INPP4A: variants seen among roughly 807,000 people sequenced by gnomAD.
The protein encoded by INPP4A is inositol polyphosphate-4-phosphatase type I A.
In INPP4A, 33 loss-of-function variants were observed where a neutral mutation model predicts 119.8. That is an observed-to-expected ratio of 0.28 (90% CI 0.21 to 0.37). The LOEUF is 0.37. Ranked by LOEUF, INPP4A falls within the 10% of genes least tolerant of loss-of-function variation. The probability of loss-of-function intolerance (pLI) is 1.00; values close to 1 mark genes in which losing one functional copy is unlikely to be tolerated. For missense variants in INPP4A, 956 were observed against 1,289.9 expected (o/e 0.74, Z 3.97); for synonymous variants, 496 against 500.7 (o/e 0.99, Z 0.12).
At chr2:98,505,771 T>G (rs1029947537) in intron 1 of INPP4A, among the ~76,000 whole-genome samples, 1 of 152,216 alleles carries the variant, frequency 6.6e-6, no homozygotes, top group African/African-American at 2.4e-5. Context: ...CCTTCCACTT[T>G]CCTGTTGAAA....
chr2:98,527,078 G>A (rs900907196), intron 4 of INPP4A, among the ~76,000 whole-genome samples: 1 of 152,134 alleles, frequency 6.6e-6, no homozygotes, highest in African/African-American at 2.4e-5. Context: ...TATCAAATGG[G>A]TTCTTAGAGA....
intron 1 of INPP4A, among the ~76,000 whole-genome samples, chr2:98,509,876 C>T (rs1684802894): frequency 6.6e-6 from 1 of 152,222 alleles, no homozygotes; most frequent in Non-Finnish European, 1.5e-5. Flanking sequence ...CAGTTGTAAA[C>T]TGGGCTGTCC....
chr2:98,557,993 T>C (rs1277389824), intron 16 of INPP4A, among the ~76,000 whole-genome samples: 1 of 152,230 alleles, frequency 6.6e-6, no homozygotes, highest in South Asian at 2.1e-4. Context: ...CTGGGGTCTA[T>C]GGGTACACCC....
intron 11 of INPP4A, among the ~76,000 whole-genome samples, chr2:98,545,309 A>C (rs1245770127): frequency 6.6e-6 from 1 of 152,202 alleles, no homozygotes; most frequent in Non-Finnish European, 1.5e-5. Flanking sequence ...TTCTCCATTT[A>C]ATTAGTTATG....
chr2:98,551,085 A>G (rs1458892323), intron 13 of INPP4A, among the ~76,000 whole-genome samples: 1 of 152,040 alleles, frequency 6.6e-6, no homozygotes, highest in Non-Finnish European at 1.5e-5. Context: ...CCTCCTAAGT[A>G]GCCAGAACCA....
intron 4 of INPP4A, among the ~76,000 whole-genome samples, chr2:98,524,132 C>T (rs1322207833): frequency 6.6e-6 from 1 of 152,214 alleles, no homozygotes; most frequent in African/African-American, 2.4e-5. Flanking sequence ...CCATTATAAA[C>T]ACTATCACAG....
chr2:98,558,911 T>G (rs1236498306), intron 16 of INPP4A, among the ~76,000 whole-genome samples: 1 of 152,220 alleles, frequency 6.6e-6, no homozygotes, highest in Non-Finnish European at 1.5e-5. Context: ...GTTTTAAATT[T>G]GGGAGATTGG....
chr2:98,507,027 A>G (rs1324546370), intron 1 of INPP4A, among the ~76,000 whole-genome samples: 1 of 152,220 alleles, frequency 6.6e-6, no homozygotes, highest in Admixed American at 6.5e-5. Flanking sequence ...AGGTGTAGCC[A>G]CATCCCCCTC....
intron 1 of INPP4A, among the ~76,000 whole-genome samples, chr2:98,495,668 G>A (rs1273119023): frequency 1.3e-5 from 2 of 152,198 alleles, no homozygotes; most frequent in Non-Finnish European, 2.9e-5. Context: ...TCTGATTGAC[G>A]GTTGAAAGTG....
intron 24 of INPP4A, among the ~76,000 whole-genome samples, chr2:98,579,491 C>A (rs1460702207): frequency 1.3e-5 from 2 of 152,248 alleles, no homozygotes; most frequent in Non-Finnish European, 2.9e-5. Context: ...AAAAAGTATA[C>A]ACCTTTGTAA....
chr2:98,492,310 G>A (rs1389977225), intron 1 of INPP4A, among the ~76,000 whole-genome samples: 1 of 152,144 alleles, frequency 6.6e-6, no homozygotes, highest in African/African-American at 2.4e-5. Context: ...TTGAACTCTT[G>A]TAAGTTGGGG....
At position 98,545,367 on chromosome 2, in the gene INPP4A, G is replaced by A. The variant is rs146802622; in HGVS notation, c.950-602G>A. Among the ~76,000 whole-genome samples, 118 of 152,252 alleles carry A rather than the reference G, an allele frequency of 7.8e-4. 1 individual carries two copies. The highest frequency in any genetic ancestry group is 2.5e-3 in the African/African-American group (103 of 41,552). ...TTGTGCATATTTGTTATAAAATAGC[G>A]TCCAGGCTCCTTAACCAACCAGGCG... is the stretch of plus-strand genomic sequence containing the variant. On this transcript the variant is annotated intron_variant, in intron 11 of 24. Coordinates refer to ENST00000409851, the MANE Select transcript of INPP4A (RefSeq NM_001134225.2).
At chr2:98,510,802 G>C (rs1341919684) in intron 1 of INPP4A, among the ~76,000 whole-genome samples, 4 of 152,300 alleles carry the variant, frequency 2.6e-5, no homozygotes, top group South Asian at 2.1e-4. Flanking sequence ...TTGTATTCTG[G>C]TTCAGGCCCT....
intron 1 of INPP4A, among the ~76,000 whole-genome samples, chr2:98,517,358 C>T (rs946688865): frequency 6.6e-6 from 1 of 152,200 alleles, no homozygotes; most frequent in African/African-American, 2.4e-5. Flanking sequence ...GTGTGCGTTT[C>T]TGTTAGCAGC....
At chr2:98,552,370 C>T (rs1404353362) in intron 13 of INPP4A, among the ~76,000 whole-genome samples, 1 of 152,138 alleles carries the variant, frequency 6.6e-6, no homozygotes, top group African/African-American at 2.4e-5. Flanking sequence ...GCAGTCTCTG[C>T]TACACTGTGA....
rs1678727431 is a variant in INPP4A, at chr2:98,482,722, A to G, written c.-165-36242A>G. Among the ~76,000 whole-genome samples the G allele has an allele frequency of 3.3e-5, 5 of 152,386 alleles. No individual in the cohort carries two copies. The South Asian group carries it at 1.0e-3, about 32-fold the overall frequency. ...CAACCCTGGGATGTGATGCAAAAAG[A>G]TATATGTGTCCTCTTGCATTTAAGA... On this transcript the variant is annotated intron_variant, in intron 1 of 24. Transcript: ENST00000409851.
At chr2:98,457,009 A>G (rs1463891998) in intron 1 of INPP4A, among the ~76,000 whole-genome samples, 1 of 152,214 alleles carries the variant, frequency 6.6e-6, no homozygotes, top group Non-Finnish European at 1.5e-5. Flanking sequence ...TTTTATTTCC[A>G]GCAGTGTCAC....
intron 24 of INPP4A, among the ~76,000 whole-genome samples, chr2:98,577,845 A>G (rs1189440878): frequency 6.6e-6 from 1 of 152,180 alleles, no homozygotes; most frequent in African/African-American, 2.4e-5. Context: ...AAAGGATAAG[A>G]AACCTGGTTT....
At chr2:98,576,794 A>G (rs1471097181) in intron 23 of INPP4A, among the ~76,000 whole-genome samples, 195 bp from the exon 24 acceptor site, 1 of 152,220 alleles carries the variant, frequency 6.6e-6, no homozygotes, top group Non-Finnish European at 1.5e-5. Context: ...TGGTGTCTGT[A>G]AGTGACTTGG....
Sources: allele counts gnomAD v4.1 joint callset (sites outside exome capture counted in the v4.1 genomes callset), GRCh38; gene constraint gnomAD v4.1.1; transcripts MANE v1.5; gene names NCBI Gene and HGNC (gene_info 2026-07-23, HGNC 2026-07-21).